Variants in PTPRF observed in about 807,000 individuals in gnomAD.
The protein encoded by PTPRF is protein tyrosine phosphatase receptor type F, also known as receptor-type tyrosine-protein phosphatase F.
PTPRF carries 59 observed loss-of-function variants against 201.8 expected under a neutral mutation model. The ratio of observed to expected loss-of-function variants is 0.29; its 90% confidence interval spans 0.24 to 0.36. The LOEUF is 0.36. PTPRF is among the 10% of genes least tolerant of loss of function. The pLI, the probability that PTPRF is intolerant of heterozygous loss-of-function variation, is 1.00. For missense variants in PTPRF, 2,132 were observed against 2,690.5 expected (o/e 0.79, Z 4.59); for synonymous variants, 1,088 against 1,089.7 (o/e 1.00, Z 0.03).
At chr1:43,579,754 C>T (rs1310574085) in intron 7 of PTPRF, 1 of 154,728 alleles carries the variant, frequency 6.5e-6, no homozygotes, top group Non-Finnish European at 1.4e-5. Flanking sequence ...CTCACCTAGC[C>T]TTCTTGTACA....
chr1:43,556,656 G>A (rs947803770), intron 5 of PTPRF, among the ~76,000 whole-genome samples: 4 of 152,186 alleles, frequency 2.6e-5, no homozygotes, highest in Admixed American at 6.6e-5. Context: ...CTCACTTCTC[G>A]TGTGTCTTTG....
chr1:43,560,370 GTGTA>G (rs1235411835), intron 5 of PTPRF, among the ~76,000 whole-genome samples: 13 of 151,928 alleles, frequency 8.6e-5, no homozygotes, highest in African/African-American at 3.1e-4. Context: ...GCAGCACATA[GTGTA>G]TGTGTGTTGA....
chr1:43,575,665 C>G (rs1570185722), intron 6 of PTPRF, among the ~76,000 whole-genome samples: 1 of 152,022 alleles, frequency 6.6e-6, no homozygotes, highest in East Asian at 1.9e-4. Context: ...CCCAGCCCCA[C>G]TGAGCCCCCT....
At chr1:43,604,784 T>C in intron 16 of PTPRF, 119 bp from the exon 17 acceptor site, 1 of 842,916 alleles carries the variant, frequency 1.2e-6, no homozygotes, top group Non-Finnish European at 2.0e-6. Flanking sequence ...TCTGCAGCCA[T>C]CCTTCAACCC....
At chr1:43,529,866 T>C (rs1643298196), upstream of PTPRF, among the ~76,000 whole-genome samples, 1 of 152,190 alleles carries the variant, frequency 6.6e-6, no homozygotes, top group Admixed American at 6.5e-5. Flanking sequence ...AGAAACTCAG[T>C]ACTGACATTT....
chr1:43,599,985 G>T (rs1382310580), intron 13 of PTPRF, among the ~76,000 whole-genome samples: 2 of 152,188 alleles, frequency 1.3e-5, no homozygotes, highest in African/African-American at 4.8e-5. Context: ...ACCACTCAAT[G>T]CTGTACACAC....
chr1:43,543,179 A>T (rs1570940024), intron 2 of PTPRF, among the ~76,000 whole-genome samples: 1 of 152,208 alleles, frequency 6.6e-6, no homozygotes, highest in Non-Finnish European at 1.5e-5. Context: ...AGATGTGTCC[A>T]CAGGCCCAGG....
chr1:43,603,198 G>C lies in PTPRF; in HGVS notation c.2341-218G>C, dbSNP rs190431418. 4.1e-4 allele frequency among the ~76,000 whole-genome samples: 62 copies of C among 152,278 alleles called. No individual in the cohort carries two copies. The East Asian group carries it at 0.012, about 29-fold the overall frequency. ...AAAGAATAATGAGCTGTCTGCCCCA[G>C]GCGTGCGGCTCCTGGGATGGGCGGG... On this transcript the variant is annotated intron_variant, in intron 14 of 33. Coordinates refer to ENST00000359947, the MANE Select transcript of PTPRF (RefSeq NM_002840.5). The surrounding 1 kb of genome is among the most constrained non-coding windows in gnomAD (Gnocchi z 5.8).
chr1:43,607,729 C>T (rs907035327), intron 21 of PTPRF, among the ~76,000 whole-genome samples: 2 of 152,214 alleles, frequency 1.3e-5, no homozygotes, highest in Non-Finnish European at 1.5e-5. Context: ...ATTCAGTGTT[C>T]AGGCCCACAC....
At position 43,553,586 on chromosome 1, in the gene PTPRF, G is replaced by A. The variant is rs749879491; in HGVS notation, c.186G>A (p.Pro62=). Residue 62 remains proline (P), a synonymous_variant, in exon 4 of 34, where the codon CCG becomes CCA. Transcript: ENST00000359947. The surrounding 1 kb of genome is among the most constrained non-coding windows in gnomAD (Gnocchi z 4.1). ...FVCQATGEPK[P]RITWMKKGKK... is the part of the protein sequence containing the mutation. ...GCCAAGCTACAGGAGAACCCAAGCC[G>A]CGCATCACATGGATGAAGAAGGGGA... is the stretch of plus-strand genomic sequence containing the variant. The A allele has an allele frequency of 5.2e-5, 84 of 1,614,074 alleles. No homozygotes were observed. Among genetic ancestry groups the A allele is most frequent in the Middle Eastern group, 1.6e-4 (1 of 6,082 alleles).
rs759632662 is a variant in PTPRF at position 43,603,651 on chromosome 1, G to A, written c.2499G>A (p.Met833Ile). The change falls in exon 16 of 34, where the codon ATG becomes ATA. Residue 833 changes from methionine (M) to isoleucine (I), a missense_variant. Physicochemically the swap from Met to Ile is conservative, Grantham distance 10. Coordinates refer to ENST00000359947, the MANE Select transcript of PTPRF (RefSeq NM_002840.5). This position sits in a 1 kb window ranked among gnomAD's most constrained non-coding sequence, Gnocchi z 5.8. ...RPTMMISTTA[M>I]NTALLQWHPP... ...CCATGATGATCAGCACCACGGCCAT[G>A]AACACTGCGCTGCTCCAGTGGCACC... is the stretch of plus-strand genomic sequence containing the variant. 3.7e-6 allele frequency: 6 copies of A among 1,613,398 alleles called. No individual in the cohort carries two copies. The highest frequency in any genetic ancestry group is 5.1e-6 in the Non-Finnish European group (6 of 1,179,982).
At chr1:43,574,211 G>T (rs549718717) in intron 6 of PTPRF, among the ~76,000 whole-genome samples, 16 of 151,612 alleles carry the variant, frequency 1.1e-4, no homozygotes, top group South Asian at 2.1e-4. Context: ...GGTCAGACTG[G>T]TCTTGAACTC....
In PTPRF at chr1:43,553,467, G is replaced by A; in HGVS notation, c.92-25G>A. The A allele has an allele frequency of 1.2e-6, 2 of 1,610,168 alleles. No individual in the cohort carries two copies. Among genetic ancestry groups the A allele is most frequent in the South Asian group, 1.1e-5 (1 of 90,726 alleles). On this transcript the variant is annotated intron_variant, in intron 3 of 33. Coordinates refer to ENST00000359947, the MANE Select transcript of PTPRF (RefSeq NM_002840.5). The surrounding 1 kb of genome is among the most constrained non-coding windows in gnomAD (Gnocchi z 4.1). Reference sequence around the variant, plus strand: ...ATTCCTATAGTGACTGTGCTGTGGTGACTTGGTGTCTCCATCTCTTCCAGG... The same window carrying A: ...ATTCCTATAGTGACTGTGCTGTGGTAACTTGGTGTCTCCATCTCTTCCAGG...
upstream of PTPRF, among the ~76,000 whole-genome samples, chr1:43,522,289 G>A (rs1046908318): frequency 2.6e-5 from 4 of 152,188 alleles, no homozygotes; most frequent in East Asian, 1.9e-4. Flanking sequence ...TAGGAGGAGC[G>A]GCGTCAGAAG....
upstream of PTPRF, among the ~76,000 whole-genome samples, chr1:43,523,745 CT>C (rs1410033739): frequency 6.6e-6 from 1 of 152,116 alleles, no homozygotes; most frequent in East Asian, 1.9e-4. Flanking sequence ...ACAGAACACT[CT>C]TATGGAAGAA....
At chr1:43,559,350 G>A (rs760477966) in intron 5 of PTPRF, among the ~76,000 whole-genome samples, 4 of 152,204 alleles carry the variant, frequency 2.6e-5, no homozygotes, top group Admixed American at 1.3e-4. Flanking sequence ...ACGTGTGTGC[G>A]TCAGGCAGTG....
rs1386387258 is a variant in PTPRF at position 43,553,661 on chromosome 1, C to T, written c.237+24C>T. 1.4e-5 allele frequency: 22 copies of T among 1,613,246 alleles called. No individual in the cohort carries two copies. Among genetic ancestry groups the T allele is most frequent in the African/African-American group, 2.7e-5 (2 of 74,892 alleles). ...AGGTGCGTCTGTGGTGGGAAGGGGT[C>T]GGCAGGGCTCAGGGTCTGCCCACAC... On this transcript the variant is annotated intron_variant, in intron 4 of 33. Coordinates refer to ENST00000359947, the MANE Select transcript of PTPRF (RefSeq NM_002840.5). The surrounding 1 kb of genome is among the most constrained non-coding windows in gnomAD (Gnocchi z 4.1).
intron 5 of PTPRF, among the ~76,000 whole-genome samples, chr1:43,566,300 C>T (rs1018757678): frequency 1.2e-4 from 18 of 152,218 alleles, no homozygotes; most frequent in African/African-American, 4.1e-4. Context: ...CCCCTGGTTG[C>T]CCATGTACCT....
intron 22 of PTPRF, chr1:43,613,027 T>C (rs1325735032): frequency 5.4e-6 from 2 of 368,340 alleles, no homozygotes; most frequent in East Asian, 1.5e-4. Flanking sequence ...GCCCCGTCTC[T>C]GTTCTGCCTC....
Sources: gnomAD v4.1 joint callset for allele counts (sites outside exome capture counted in the v4.1 genomes callset) on GRCh38, gnomAD v4.1.1 for gene constraint, Gnocchi (gnomAD v3.1) non-coding constraint, MANE v1.5 for transcripts, NCBI Gene and HGNC (gene_info 2026-07-23, HGNC 2026-07-21) for gene names.